MTHFD2: variants seen among roughly 807,000 people sequenced by gnomAD.
MTHFD2 encodes methylenetetrahydrofolate dehydrogenase (NADP+ dependent) 2, methenyltetrahydrofolate cyclohydrolase, also known as bifunctional methylenetetrahydrofolate dehydrogenase/cyclohydrolase, mitochondrial.
In MTHFD2, 26 loss-of-function variants were observed where a neutral mutation model predicts 36.8. The ratio of observed to expected loss-of-function variants is 0.71; its 90% CI spans 0.52 to 0.98. The LOEUF is 0.98. Ranked by LOEUF, MTHFD2 falls within the 50% of genes least tolerant of loss-of-function variation. The probability of loss-of-function intolerance (pLI) is 0.00; values close to 1 mark genes in which losing one functional copy is unlikely to be tolerated. For missense variants in MTHFD2, 373 were observed against 434.0 expected, an observed-to-expected ratio of 0.86 and a Z score of 1.25; for synonymous variants, 164 against 155.2, an observed-to-expected ratio of 1.06 and a Z score of -0.42.
intron 1 of MTHFD2, among the ~76,000 whole-genome samples, chr2:74,203,841 A>AGTTTAGTTTAG (rs1553448277): frequency 1.6e-5 from 1 of 63,816 alleles, no homozygotes; most frequent in Non-Finnish European, 2.5e-5. Flanking sequence ...AGAGATGCTC[A>AGTTTAGTTTAG]TCTAGTTTAG....
At chr2:74,200,157 T>C (rs1376813749) in intron 1 of MTHFD2, among the ~76,000 whole-genome samples, 1 of 152,208 alleles carries the variant, frequency 6.6e-6, no homozygotes. Flanking sequence ...GTCTGACTCT[T>C]GACCTCCCCC....
intron 2 of MTHFD2, 31 bp from the exon 3 acceptor site, chr2:74,207,673 A>C (rs769034178): frequency 6.3e-6 from 10 of 1,581,304 alleles, no homozygotes; most frequent in Middle Eastern, 3.9e-4. Context: ...TGCCTCAAAA[A>C]TTTTTTTAAC....
rs1282773955 is a variant in MTHFD2, at chr2:74,214,404, C to T, written c.*162C>T. The T allele has an allele frequency of 1.5e-6, 1 of 672,252 alleles. No homozygotes were observed. The highest frequency in any genetic ancestry group is 2.4e-6 in the Non-Finnish European group (1 of 422,626). 41.6% of individuals were successfully genotyped at this position (672,252 alleles called of 1,614,324 possible). On this transcript the variant is annotated 3_prime_UTR_variant, in exon 8 of 8. Coordinates refer to ENST00000394053, the MANE Select transcript of MTHFD2 (RefSeq NM_006636.4). The stretch of plus-strand genomic sequence containing the variant: ...TGGGTGGGTGTTTCTGCACATACCT[C>T]TGCAGTACCTCACCAGGGAGCATTC...
Sources: allele counts gnomAD v4.1 joint callset (sites outside exome capture counted in the v4.1 genomes callset), GRCh38; gene constraint gnomAD v4.1.1; transcripts MANE v1.5; gene names NCBI Gene and HGNC (gene_info 2026-07-23, HGNC 2026-07-21).